The following CNTNAP5 variants were observed in gnomAD, a reference collection of about 807,000 sequenced individuals.
The protein encoded by CNTNAP5 is contactin-associated protein-like 5.
CNTNAP5 carries 72 observed loss-of-function variants against 150.2 expected under a neutral mutation model. That is an observed-to-expected ratio of 0.48 (90% confidence interval 0.40 to 0.58). The LOEUF is 0.58. Among genes scored for constraint, CNTNAP5 ranks in the 20% least tolerant of loss-of-function variants. CNTNAP5 has a pLI of 0.00. For synonymous variants in CNTNAP5, 672 were observed against 619.8 expected (o/e 1.08, Z -1.25); for missense variants, 1,636 against 1,626.2 (o/e 1.01, Z -0.10).
chr2:124,614,612 GT>G (rs1469498924), intron 12 of CNTNAP5, among the ~76,000 whole-genome samples: 1 of 152,086 alleles, frequency 6.6e-6, no homozygotes, highest in East Asian at 1.9e-4. Flanking sequence ...TTTGTAGACT[GT>G]CATGGCTCTG....
intron 3 of CNTNAP5, among the ~76,000 whole-genome samples, chr2:124,336,483 C>T: frequency 6.6e-6 from 1 of 151,182 alleles, no homozygotes. Flanking sequence ...ATTGACTCGT[C>T]ATTTAACATT....
chr2:124,457,612 T>C (rs1033404612), intron 6 of CNTNAP5, among the ~76,000 whole-genome samples: 13 of 152,164 alleles, frequency 8.5e-5, no homozygotes, highest in African/African-American at 3.1e-4. Flanking sequence ...TAGGTAAACG[T>C]GTGCCATGGT....
chr2:124,402,635 C>T (rs1691457703), intron 3 of CNTNAP5, among the ~76,000 whole-genome samples: 2 of 152,148 alleles, frequency 1.3e-5, no homozygotes, highest in Admixed American at 1.3e-4. Context: ...CCCCTCTTGC[C>T]AACTGTTAAG....
chr2:124,029,468 A>G (rs1372060446), intron 1 of CNTNAP5, among the ~76,000 whole-genome samples: 1 of 151,964 alleles, frequency 6.6e-6, no homozygotes, highest in African/African-American at 2.4e-5. Flanking sequence ...TTCTCTTCCC[A>G]TAGTCCCCCA....
chr2:124,496,548 A>G (rs568414670), intron 7 of CNTNAP5, among the ~76,000 whole-genome samples: 12 of 152,248 alleles, frequency 7.9e-5, no homozygotes, highest in Admixed American at 6.5e-5. Flanking sequence ...ACAAACACCC[A>G]CAATGAAAAA....
intron 19 of CNTNAP5, among the ~76,000 whole-genome samples, chr2:124,813,810 T>C (rs1682291173): frequency 6.6e-6 from 1 of 152,034 alleles, no homozygotes; most frequent in African/African-American, 2.4e-5. Context: ...ATACTTATAT[T>C]GCATGTGGCA....
rs1243881938 is a variant in CNTNAP5 at position 124,702,385 on chromosome 2, T to TGG, written c.2078-44844_2078-44843insGG. On this transcript the variant is annotated intron_variant, in intron 13 of 23. Coordinates refer to ENST00000682447, the MANE Select transcript of CNTNAP5 (RefSeq NM_001367498.1). ...TTTTTTTTTTTTTTTTTTTTTTTTT[T>TGG]TTTTTTTTTTTGCTAGTGAAGAACT... is the stretch of plus-strand genomic sequence containing the variant. 6.1e-4 allele frequency among the ~76,000 whole-genome samples: 45 copies of TGG among 73,750 alleles called. 1 individual carries two copies. Among genetic ancestry groups the TGG allele is most frequent in the African/African-American group, 2.0e-3 (40 of 19,632 alleles). The allele number at this position is 73,750 out of a possible 152,430, so 48.4% of individuals were successfully genotyped here.
intron 12 of CNTNAP5, among the ~76,000 whole-genome samples, chr2:124,616,722 G>A (rs1677500155): frequency 6.6e-6 from 1 of 152,134 alleles, no homozygotes. Flanking sequence ...AATGAGAGAT[G>A]TGCCACTCTT....
chr2:124,848,744 A>C (rs1464946907), intron 19 of CNTNAP5, among the ~76,000 whole-genome samples: 3 of 152,152 alleles, frequency 2.0e-5, no homozygotes, highest in Admixed American at 6.5e-5. Context: ...CATTTCTCTG[A>C]TGAGTAGCGA....
chr2:124,164,484 T>G (rs1195387265), intron 1 of CNTNAP5, among the ~76,000 whole-genome samples: 1 of 152,238 alleles, frequency 6.6e-6, no homozygotes, highest in African/African-American at 2.4e-5. Context: ...ATATATACTT[T>G]TCTTTCCTCC....
At chr2:124,333,992 T>G (rs1488196697) in intron 3 of CNTNAP5, among the ~76,000 whole-genome samples, 69 of 152,190 alleles carry the variant, frequency 4.5e-4, no homozygotes, top group African/African-American at 1.6e-3. Flanking sequence ...CCTCTTACAG[T>G]ACAAAGTAGC....
chr2:124,169,567 T>A (rs1684885532), intron 1 of CNTNAP5, among the ~76,000 whole-genome samples: 2 of 152,042 alleles, frequency 1.3e-5, no homozygotes, highest in Non-Finnish European at 1.5e-5. Context: ...TTTAGAAAAG[T>A]AATAAATCGT....
chr2:124,182,742 GTTCT>G (rs1195384471), intron 1 of CNTNAP5, among the ~76,000 whole-genome samples: 1 of 152,058 alleles, frequency 6.6e-6, no homozygotes. Flanking sequence ...CATTTAGGTC[GTTCT>G]TTGTCTCCAA....
intron 6 of CNTNAP5, among the ~76,000 whole-genome samples, chr2:124,452,454 C>A (rs913930634): frequency 1.3e-5 from 2 of 152,132 alleles, no homozygotes; most frequent in Non-Finnish European, 2.9e-5. Context: ...TCCTTCTCTA[C>A]CCAACCTAGT....
At position 124,724,117 on chromosome 2, in the gene CNTNAP5, C is replaced by G. The variant is rs551105123; in HGVS notation, c.2078-23112C>G. ...CTGAGATTGCACCACTGCCCTCCAGCCTGGTGACAGAGGGAGACTCCATCT... is the reference window on the plus strand; with the variant it reads ...CTGAGATTGCACCACTGCCCTCCAGGCTGGTGACAGAGGGAGACTCCATCT... On this transcript the variant is annotated intron_variant, in intron 13 of 23. Coordinates refer to ENST00000682447, the MANE Select transcript of CNTNAP5 (RefSeq NM_001367498.1). Among the ~76,000 whole-genome samples the G allele has an allele frequency of 2.2e-4, 33 of 150,770 alleles. No homozygotes were observed. The South Asian group carries it at 4.2e-3, about 19-fold the overall frequency.
At chr2:124,639,149 T>G (rs991993703) in intron 12 of CNTNAP5, among the ~76,000 whole-genome samples, 19 of 152,142 alleles carry the variant, frequency 1.2e-4, no homozygotes, top group Non-Finnish European at 2.6e-4. Context: ...GACACGGAGA[T>G]TTCTGAGACA....
At chr2:124,441,587 G>A (rs1692675742) in intron 5 of CNTNAP5, among the ~76,000 whole-genome samples, 1 of 151,872 alleles carries the variant, frequency 6.6e-6, no homozygotes, top group South Asian at 2.1e-4. Flanking sequence ...AGTCACTACT[G>A]AGTATACTTT....
chr2:124,818,480 T>C (rs1682416387), intron 19 of CNTNAP5, among the ~76,000 whole-genome samples: 1 of 151,934 alleles, frequency 6.6e-6, no homozygotes. Context: ...TACAGTGAGG[T>C]ACAATTGCAC....
intron 3 of CNTNAP5, among the ~76,000 whole-genome samples, chr2:124,253,291 T>C (rs762149108): frequency 3.7e-4 from 56 of 152,172 alleles, no homozygotes; most frequent in Non-Finnish European, 6.3e-4. Flanking sequence ...CGTATATACT[T>C]TTGTATATAT....
Sources: gnomAD v4.1 joint callset for allele counts (sites outside exome capture counted in the v4.1 genomes callset) on GRCh38, gnomAD v4.1.1 for gene constraint, MANE v1.5 for transcripts, NCBI Gene and HGNC (gene_info 2026-07-23, HGNC 2026-07-21) for gene names.